VWDE: variants seen among roughly 807,000 people sequenced by gnomAD.
VWDE encodes the protein von Willebrand factor D and EGF domains, also known as von Willebrand factor D and EGF domain-containing protein.
VWDE carries 207 observed loss-of-function variants against 178.4 expected under a neutral mutation model. The ratio of observed to expected loss-of-function variants is 1.16; its 90% CI spans 1.04 to 1.30. The LOEUF (loss-of-function observed/expected upper bound fraction) is 1.30, where lower values mean the gene tolerates loss of function less well. VWDE is among the 50% of genes most tolerant of loss of function. VWDE has a pLI of 0.00. For missense variants in VWDE, 2,287 were observed against 1,901.3 expected, an observed-to-expected ratio of 1.20 and a Z score of -3.77; for synonymous variants, 738 against 651.4, an observed-to-expected ratio of 1.13 and a Z score of -2.02.
chr7:12,398,037 C>A (rs1172903883), intron 1 of VWDE, among the ~76,000 whole-genome samples: 3 of 152,098 alleles, frequency 2.0e-5, no homozygotes, highest in South Asian at 4.1e-4. Flanking sequence ...AACTATCATT[C>A]AACCTAGCAA....
chr7:12,334,471 G>C (rs1410119953), intron 27 of VWDE, among the ~76,000 whole-genome samples: 5 of 148,638 alleles, frequency 3.4e-5, no homozygotes, highest in African/African-American at 7.5e-5. Flanking sequence ...TCATCAGGCT[G>C]CTGTATACAA....
At chr7:12,400,435 T>C (rs1784845112) in intron 1 of VWDE, among the ~76,000 whole-genome samples, 1 of 152,076 alleles carries the variant, frequency 6.6e-6, no homozygotes, top group South Asian at 2.1e-4. Context: ...TATATGCCAA[T>C]AATTATAGAT....
intron 12 of VWDE, among the ~76,000 whole-genome samples, chr7:12,368,134 A>G (rs1035812079): frequency 6.6e-6 from 1 of 151,490 alleles, no homozygotes; most frequent in East Asian, 1.9e-4. Flanking sequence ...ACAAATGTTT[A>G]GTAATTTTTA....
chr7:12,388,278 A>T (rs924727019), intron 3 of VWDE, among the ~76,000 whole-genome samples: 1 of 152,146 alleles, frequency 6.6e-6, no homozygotes, highest in Non-Finnish European at 1.5e-5. Flanking sequence ...TCTTATTATT[A>T]CATGTTATCA....
At chr7:12,341,929 A>T in intron 23 of VWDE, 130 bp downstream of exon 23, 1 of 613,836 alleles carries the variant, frequency 1.6e-6, no homozygotes, top group South Asian at 2.6e-5. Context: ...AATCTGTCTG[A>T]AATAACAACT....
In VWDE at chr7:12,370,249, G is replaced by T. The variant is rs1783105983; in HGVS notation, c.2057C>A (p.Ser686Tyr). Reference sequence around the variant, plus strand: ...TAAATTTAGATTATATTCTTCTGGAGATGTATGCTTGTTTATCTCTCTGAC... The same window carrying T: ...TAAATTTAGATTATATTCTTCTGGATATGTATGCTTGTTTATCTCTCTGAC... Reference protein sequence around the residue: ...TLVREINKHTSPEEYNLNLFL... With the variant: ...TLVREINKHTYPEEYNLNLFL... The change falls in exon 12 of 29, where the codon TCT becomes TAT. Residue 686 changes from serine (S) to tyrosine (Y), a missense_variant. Transcript: ENST00000275358. 3.2e-6 allele frequency: 5 copies of T among 1,551,132 alleles called. No individual in the cohort carries two copies. Among genetic ancestry groups the T allele is most frequent in the Non-Finnish European group, 4.4e-6 (5 of 1,146,858 alleles).
chr7:12,341,469 TAAAAATACA>T (rs1488702591), intron 23 of VWDE, among the ~76,000 whole-genome samples: 1 of 151,904 alleles, frequency 6.6e-6, no homozygotes, highest in Non-Finnish European at 1.5e-5. Context: ...CCGTCTCTAC[TAAAAATACA>T]AAAATTAGCT....
At chr7:12,377,527 C>T (rs1169470458) in intron 7 of VWDE, 9 of 269,308 alleles carry the variant, frequency 3.3e-5, no homozygotes, top group Middle Eastern at 1.0e-3. Context: ...AAGATGATGA[C>T]GAAGAGGAGA....
intron 13 of VWDE, among the ~76,000 whole-genome samples, chr7:12,365,061 G>C (rs557832662): frequency 6.6e-6 from 1 of 152,154 alleles, no homozygotes; most frequent in Non-Finnish European, 1.5e-5. Context: ...GATGAAGAAA[G>C]ATGGAGCACC....
chr7:12,333,814 G>A, intron 27 of VWDE: 1 of 316,938 alleles, frequency 3.2e-6, no homozygotes, highest in Admixed American at 4.8e-5. Context: ...ATTATTAAAA[G>A]AAACAAAAAT....
At chr7:12,375,911 A>T (rs905977730) in intron 7 of VWDE, among the ~76,000 whole-genome samples, 1 of 152,112 alleles carries the variant, frequency 6.6e-6, no homozygotes, top group Non-Finnish European at 1.5e-5. Flanking sequence ...ATAACTAAAC[A>T]AAAAGAACAG....
intron 12 of VWDE, among the ~76,000 whole-genome samples, chr7:12,368,138 A>G (rs1425844876): frequency 1.3e-5 from 2 of 151,224 alleles, no homozygotes; most frequent in Non-Finnish European, 2.9e-5. Flanking sequence ...ATGTTTAGTA[A>G]TTTTTATTTA....
rs1783961119 is a variant in VWDE, at chr7:12,383,599, T to C, written c.478A>G (p.Ile160Val). ...CATGGGTGTAATCGTGCATCAGAAA[T>C]AGCTGCCAAGGGTTAAGGTTTGTAT... is the stretch of plus-strand genomic sequence containing the variant. ...QGCMGYCAEAISDARLHPCGS... is the reference protein window; with the variant it reads ...QGCMGYCAEAVSDARLHPCGS... The change falls in exon 4 of 29, where the codon ATT becomes GTT. Residue 160 changes from isoleucine to valine, a missense_variant and splice_region_variant. Physicochemically the swap from Ile to Val is conservative, Grantham distance 29. Coordinates refer to ENST00000275358, the MANE Select transcript of VWDE (RefSeq NM_001135924.3). 2 of 1,550,270 alleles carry C rather than the reference T, an allele frequency of 1.3e-6. No homozygotes were observed. The highest frequency in any genetic ancestry group is 1.7e-6 in the Non-Finnish European group (2 of 1,145,770).
At chr7:12,394,762 A>G (rs913592268) in intron 1 of VWDE, among the ~76,000 whole-genome samples, 1 of 152,218 alleles carries the variant, frequency 6.6e-6, no homozygotes. Context: ...GATGGCATCT[A>G]TGAAATAGAA....
chr7:12,342,405 C>T (rs992214751), intron 22 of VWDE, among the ~76,000 whole-genome samples: 21 of 152,008 alleles, frequency 1.4e-4, no homozygotes, highest in African/African-American at 4.1e-4. Flanking sequence ...CAAGACTTGG[C>T]TATTTGGGAA....
intron 1 of VWDE, among the ~76,000 whole-genome samples, chr7:12,395,831 A>G (rs2128563495): frequency 6.6e-6 from 1 of 152,234 alleles, no homozygotes; most frequent in South Asian, 2.1e-4. Context: ...TGAGGATTAT[A>G]TTGATGGCTT....
Position 12,337,180 on chromosome 7 carries a change from T to A in VWDE, c.4459A>T (p.Lys1487Ter), listed in dbSNP as rs1781086175. Residue 1487 changes from lysine (K) to a stop codon, truncating the protein, a stop_gained, in exon 25 of 29, where the codon AAA becomes TAA. Coordinates refer to ENST00000275358, the MANE Select transcript of VWDE (RefSeq NM_001135924.3). LOFTEE classifies it high-confidence loss of function. ...AATACATTTAGTGATGTCTTACTTTTTTGGAATCTCCTACCAGTGTATCCT... is the reference window on the plus strand; with the variant it reads ...AATACATTTAGTGATGTCTTACTTTATTGGAATCTCCTACCAGTGTATCCT... The part of the protein sequence containing the change: ...REGYTGRRFQ[K>*]SICDPTCMNG... The A allele has an allele frequency of 6.4e-7, 1 of 1,551,718 alleles. No homozygotes were observed. Among genetic ancestry groups the A allele is most frequent in the African/African-American group, 1.4e-5 (1 of 73,060 alleles).
chr7:12,345,707 G>A (rs1040040438), intron 19 of VWDE, among the ~76,000 whole-genome samples: 1 of 152,082 alleles, frequency 6.6e-6, no homozygotes, highest in Non-Finnish European at 1.5e-5. Flanking sequence ...TGCTTAAAGA[G>A]CTACTGTTCT....
At chr7:12,391,789 G>T (rs1167848529) in intron 2 of VWDE, among the ~76,000 whole-genome samples, 5 of 152,192 alleles carry the variant, frequency 3.3e-5, no homozygotes, top group African/African-American at 1.2e-4. Context: ...TGTGTCTGCA[G>T]TATTTATAAA....
Sources: allele counts gnomAD v4.1 joint callset (sites outside exome capture counted in the v4.1 genomes callset), GRCh38; gene constraint gnomAD v4.1.1; transcripts MANE v1.5; gene names NCBI Gene and HGNC (gene_info 2026-07-23, HGNC 2026-07-21).